The following MAP3K7CL variants were observed in gnomAD, a reference collection of about 807,000 sequenced individuals.
MAP3K7CL encodes MAP3K7 C-terminal-like protein.
A neutral mutation model predicts 18.6 loss-of-function variants in MAP3K7CL; 16 were observed. The ratio of observed to expected loss-of-function variants is 0.86; its 90% CI spans 0.58 to 1.31. MAP3K7CL has a LOEUF of 1.31. Ranked by LOEUF, MAP3K7CL falls within the 50% of genes most tolerant of loss-of-function variation. MAP3K7CL has a pLI of 0.00. For synonymous variants in MAP3K7CL, 65 were observed against 66.8 expected, an observed-to-expected ratio of 0.97 and a Z score of 0.13; for missense variants, 163 against 174.4, an observed-to-expected ratio of 0.93 and a Z score of 0.37.
upstream of MAP3K7CL, among the ~76,000 whole-genome samples, chr21:29,083,893 CTT>C (rs1184584133): frequency 1.3e-5 from 2 of 148,506 alleles, no homozygotes; most frequent in Non-Finnish European, 3.0e-5. Flanking sequence ...TATTACCTCT[CTT>C]GTTTATGTAA....
At chr21:29,174,668 A>C in intron 4 of MAP3K7CL, 44 bp from the exon 5 acceptor site, 1 of 1,602,794 alleles carries the variant, frequency 6.2e-7, no homozygotes, top group Non-Finnish European at 8.5e-7. Context: ...ATTTGCTTGC[A>C]TTGAATTCTG....
rs191220128 is a variant in MAP3K7CL, at chr21:29,138,625, C to T, written c.70+5211C>T. 2.0e-3 allele frequency among the ~76,000 whole-genome samples: 302 copies of T among 152,226 alleles called. 2 individuals carry two copies. The highest frequency in any genetic ancestry group is 6.9e-3 in the African/African-American group (285 of 41,530). ...TTTTTTAGAATAGTTTTTTGTTTCG[C>T]TTAGAAAGAGTCAAGAATACTAGTA... On this transcript the variant is annotated intron_variant, in intron 2 of 4. Transcript: ENST00000399928.
At position 29,149,196 on chromosome 21, in the gene MAP3K7CL, A is replaced by G; in HGVS notation, c.78A>G (p.Thr26=). The change falls in exon 3 of 5, where the codon ACA becomes ACG. Residue 26 remains threonine (T), a synonymous_variant. Transcript: ENST00000399928. ...TTTATTTCCTTGTTTTAGATGATACACCCCCTGAAGACTCCATTCCTTTGG... is the reference window on the plus strand; with the variant it reads ...TTTATTTCCTTGTTTTAGATGATACGCCCCCTGAAGACTCCATTCCTTTGG... The part of the protein sequence containing the change: ...AFSLNDASDD[T]PPEDSIPLVF... The G allele has an allele frequency of 6.2e-7, 1 of 1,613,662 alleles. No homozygotes were observed. Among genetic ancestry groups the G allele is most frequent in the Non-Finnish European group, 8.5e-7 (1 of 1,179,654 alleles).
At chr21:29,085,899 C>T (rs767288735) in exon 1 of MAP3K7CL, 151 of 1,613,952 alleles carry the variant, frequency 9.4e-5, no homozygotes, top group Non-Finnish European at 6.9e-5. Flanking sequence ...TTATGTGGAA[C>T]GAGGCAGCAG....
intron 1 of MAP3K7CL, among the ~76,000 whole-genome samples, chr21:29,086,143 T>G (rs1329000212): frequency 6.6e-6 from 1 of 152,184 alleles, no homozygotes; most frequent in African/African-American, 2.4e-5. Context: ...CAAAACCAAT[T>G]TTGAGCCAAG....
chr21:29,141,532 A>AG (rs201385269), intron 2 of MAP3K7CL, among the ~76,000 whole-genome samples: 2 of 149,500 alleles, frequency 1.3e-5, no homozygotes, highest in Admixed American at 1.3e-4. Flanking sequence ...AAAAAAAAAA[A>AG]GAGAGAAATT....
chr21:29,089,946 G>A (rs888809964), intron 1 of MAP3K7CL, among the ~76,000 whole-genome samples: 2 of 151,962 alleles, frequency 1.3e-5, no homozygotes, highest in Non-Finnish European at 2.9e-5. Context: ...GGAAAGACAG[G>A]AAGGAGGGAG....
At chr21:29,121,196 G>T (rs2086589495) in intron 4 of MAP3K7CL, among the ~76,000 whole-genome samples, 1 of 151,838 alleles carries the variant, frequency 6.6e-6, no homozygotes, top group Non-Finnish European at 1.5e-5. Context: ...TTTGGGCAAT[G>T]ACTGTCTTAC....
chr21:29,126,659 A>G (rs1568950085), upstream of MAP3K7CL, among the ~76,000 whole-genome samples: 1 of 152,120 alleles, frequency 6.6e-6, no homozygotes, highest in Non-Finnish European at 1.5e-5. Context: ...GGGTCTTACC[A>G]TGTTGGCCAG....
At chr21:29,128,426 C>G (rs572434831), upstream of MAP3K7CL, among the ~76,000 whole-genome samples, 1 of 152,058 alleles carries the variant, frequency 6.6e-6, no homozygotes, top group Non-Finnish European at 1.5e-5. Context: ...CCTCAGCCTC[C>G]CGAGTAGCTG....
At chr21:29,151,934 T>A (rs550593970) in intron 3 of MAP3K7CL, among the ~76,000 whole-genome samples, 1 of 152,264 alleles carries the variant, frequency 6.6e-6, no homozygotes, top group Non-Finnish European at 1.5e-5. Flanking sequence ...TTCATCTTCA[T>A]TGATCTTTAA....
chr21:29,099,775 A>G (rs2086189000), intron 4 of MAP3K7CL, among the ~76,000 whole-genome samples: 1 of 151,952 alleles, frequency 6.6e-6, no homozygotes, highest in Admixed American at 6.6e-5. Context: ...TTCCTGTGAC[A>G]GACTAATTTA....
At chr21:29,110,998 T>G (rs897708013) in intron 4 of MAP3K7CL, among the ~76,000 whole-genome samples, 1 of 152,148 alleles carries the variant, frequency 6.6e-6, no homozygotes, top group African/African-American at 2.4e-5. Flanking sequence ...GGCTCACGGC[T>G]GTAATCCCAG....
At position 29,143,507 on chromosome 21, in the gene MAP3K7CL, C is replaced by G. The variant is rs148999297; in HGVS notation, c.71-5682C>G. ...GCGCAATCTCGGCTCACTGCAACCTCCGCCTTCTGGGTTCAAGCAATTCTC... is the reference window on the plus strand; with the variant it reads ...GCGCAATCTCGGCTCACTGCAACCTGCGCCTTCTGGGTTCAAGCAATTCTC... On this transcript the variant is annotated intron_variant, in intron 2 of 4. Transcript: ENST00000399928. Among the ~76,000 whole-genome samples the G allele has an allele frequency of 7.9e-5, 12 of 152,028 alleles. No individual in the cohort carries two copies. In the East Asian group the frequency reaches 2.3e-3, roughly 29 times the overall value.
intron 4 of MAP3K7CL, among the ~76,000 whole-genome samples, chr21:29,115,222 G>A (rs758234809): frequency 2.6e-5 from 4 of 152,182 alleles, no homozygotes; most frequent in Admixed American, 2.0e-4. Context: ...GTCTGAAATA[G>A]CCCAAAAGGT....
intron 4 of MAP3K7CL, among the ~76,000 whole-genome samples, chr21:29,112,443 A>G (rs1259180481): frequency 1.3e-5 from 2 of 152,142 alleles, no homozygotes; most frequent in African/African-American, 4.8e-5. Flanking sequence ...TGCAATTAGT[A>G]TTAACCTAGG....
At chr21:29,168,252 A>G (rs1401899897) in intron 4 of MAP3K7CL, among the ~76,000 whole-genome samples, 1 of 152,200 alleles carries the variant, frequency 6.6e-6, no homozygotes, top group African/African-American at 2.4e-5. Context: ...TCTCTTTCCT[A>G]TGATGTCTGA....
At chr21:29,155,377 T>A (rs1237014828) in intron 3 of MAP3K7CL, among the ~76,000 whole-genome samples, 1 of 152,110 alleles carries the variant, frequency 6.6e-6, no homozygotes, top group Non-Finnish European at 1.5e-5. Flanking sequence ...ATTCTGACAT[T>A]TTTGAAGAGG....
At chr21:29,157,760 C>A (rs1347827817) in intron 3 of MAP3K7CL, among the ~76,000 whole-genome samples, 1 of 152,132 alleles carries the variant, frequency 6.6e-6, no homozygotes, top group African/African-American at 2.4e-5. Context: ...CAACATTTCC[C>A]ACTTAGTAAA....
Sources: gnomAD v4.1 joint callset for allele counts (sites outside exome capture counted in the v4.1 genomes callset) on GRCh38, gnomAD v4.1.1 for gene constraint, MANE v1.5 for transcripts, NCBI Gene and HGNC (gene_info 2026-07-23, HGNC 2026-07-21) for gene names.